The following NDUFA9 variants were observed in gnomAD, a reference collection of about 807,000 sequenced individuals.
NDUFA9 encodes NADH dehydrogenase [ubiquinone] 1 alpha subcomplex subunit 9, mitochondrial.
A neutral mutation model predicts 45.9 loss-of-function variants in NDUFA9; 23 were observed. That is an observed-to-expected ratio of 0.50 (90% confidence interval 0.36 to 0.71). The LOEUF is 0.71. Among genes scored for constraint, NDUFA9 ranks in the 30% least tolerant of loss-of-function variants. The probability of loss-of-function intolerance (pLI) is 0.00; values close to 1 mark genes in which losing one functional copy is unlikely to be tolerated. For synonymous variants in NDUFA9, 176 were observed against 170.5 expected (o/e 1.03, Z -0.25); for missense variants, 466 against 488.2 (o/e 0.95, Z 0.43).
In NDUFA9 at chr12:4,693,386, G is replaced by A. The variant is rs972413961; in HGVS notation, c.*6278G>A. 30 of 152,152 alleles carry A rather than the reference G, an allele frequency of 2.0e-4. No individual in the cohort carries two copies. Among genetic ancestry groups the A allele is most frequent in the African/African-American group, 6.8e-4 (28 of 41,400 alleles). The allele number at this position is 152,152 out of a possible 1,614,324, so 9.4% of individuals were successfully genotyped here. ...CCCAGTGTTGTGTAATAATTAAAGCGTTAAATTTCCTCTCTGCCCCACAGC... is the reference window on the plus strand; with the variant it reads ...CCCAGTGTTGTGTAATAATTAAAGCATTAAATTTCCTCTCTGCCCCACAGC... On this transcript the variant is annotated 3_prime_UTR_variant, in exon 11 of 11. Coordinates refer to ENST00000266544, the MANE Select transcript of NDUFA9 (RefSeq NM_005002.5).
chr12:4,680,142 A>T (rs536178397), intron 8 of NDUFA9, among the ~76,000 whole-genome samples: 1 of 152,310 alleles, frequency 6.6e-6, no homozygotes, highest in African/African-American at 2.4e-5. Context: ...ATTTGAGGAC[A>T]GAAGATAGAA....
chr12:4,679,019 ACATATT>A (rs765678760), intron 8 of NDUFA9, among the ~76,000 whole-genome samples: 32 of 152,342 alleles, frequency 2.1e-4, no homozygotes, highest in Non-Finnish European at 4.6e-4. Flanking sequence ...GAAACATCCC[ACATATT>A]CATTAACTGA....
rs1409674513 is a variant in NDUFA9, at chr12:4,685,045, A to C, written c.897-214A>C. 3 of 681,616 alleles carry C rather than the reference A, an allele frequency of 4.4e-6. No individual in the cohort carries two copies. The East Asian group carries it at 8.1e-5, about 18-fold the overall frequency. The allele number at this position is 681,616 out of a possible 1,614,324, so 42.2% of individuals were successfully genotyped here. A position where few individuals can be genotyped will look rare whatever the true frequency, so the allele number is the denominator to read the frequency against. ...GTTTCTTTGGAGGAGAACAAAGTGT[A>C]CCAGCAGTTACAGCAGCCGACTGGG... On this transcript the variant is annotated intron_variant, in intron 9 of 10. Coordinates refer to ENST00000266544, the MANE Select transcript of NDUFA9 (RefSeq NM_005002.5).
rs117983457 is a variant in NDUFA9 at position 4,691,474 on chromosome 12, C to G, written c.*4366C>G. On this transcript the variant is annotated 3_prime_UTR_variant, in exon 11 of 11. Transcript: ENST00000266544. ...GATCTTTCTGGCTACAAAACTGATG[C>G]CTTGTTCCAGAAAGGATTTAAGGAT... 137 of 152,262 alleles carry G rather than the reference C, an allele frequency of 9.0e-4. No homozygotes were observed. The East Asian group carries it at 0.025, about 28-fold the overall frequency. The allele number at this position is 152,262 out of a possible 1,614,324, so 9.4% of individuals were successfully genotyped here.
intron 8 of NDUFA9, among the ~76,000 whole-genome samples, chr12:4,674,547 T>G (rs1293951646): frequency 6.6e-6 from 1 of 152,146 alleles, no homozygotes; most frequent in African/African-American, 2.4e-5. Context: ...AAACAGACTT[T>G]AAACCAACAA....
At chr12:4,651,832 T>G (rs535591677) in intron 1 of NDUFA9, among the ~76,000 whole-genome samples, 96 of 152,302 alleles carry the variant, frequency 6.3e-4, no homozygotes, top group Non-Finnish European at 1.2e-3. Flanking sequence ...TTGACCCTGA[T>G]TAAACAAAAC....
intron 9 of NDUFA9, among the ~76,000 whole-genome samples, chr12:4,684,772 T>A (rs550090888): frequency 2.6e-5 from 4 of 151,896 alleles, no homozygotes; most frequent in South Asian, 4.2e-4. Flanking sequence ...TCGTCCTGAT[T>A]TGAACCGTAG....
At chr12:4,663,362 C>T (rs1465439311) in intron 6 of NDUFA9, among the ~76,000 whole-genome samples, 3 of 151,556 alleles carry the variant, frequency 2.0e-5, no homozygotes, top group Non-Finnish European at 2.9e-5. Flanking sequence ...GGCTAAATTG[C>T]GCCCCCTCAT....
chr12:4,680,181 A>G (rs1945944153), intron 8 of NDUFA9, among the ~76,000 whole-genome samples: 1 of 152,138 alleles, frequency 6.6e-6, no homozygotes, highest in Admixed American at 6.5e-5. Context: ...AGGAAAGAGC[A>G]TTTCCTAGGA....
At chr12:4,677,225 C>T (rs543763753) in intron 8 of NDUFA9, among the ~76,000 whole-genome samples, 39 of 152,284 alleles carry the variant, frequency 2.6e-4, no homozygotes, top group South Asian at 8.3e-4. Context: ...CAATACCATT[C>T]AGGACATAGG....
intron 6 of NDUFA9, among the ~76,000 whole-genome samples, chr12:4,666,966 G>A (rs779602792): frequency 1.6e-4 from 25 of 152,102 alleles, no homozygotes; most frequent in Admixed American, 6.5e-4. Context: ...GATTGCTTTG[G>A]GTAGAATTGA....
Position 4,654,403 on chromosome 12 carries a change from T to C in NDUFA9, c.161T>C (p.Ile54Thr), listed in dbSNP as rs1385596154. 2 of 1,614,144 alleles carry C rather than the reference T, an allele frequency of 1.2e-6. No homozygotes were observed. Among genetic ancestry groups the C allele is most frequent in the Non-Finnish European group, 1.7e-6 (2 of 1,179,996 alleles). ...GGTGGACGTTCCTCAGTCAGTGGGATTGTGGCCACTGTGTTTGGAGCAACA... is the reference window on the plus strand; with the variant it reads ...GGTGGACGTTCCTCAGTCAGTGGGACTGTGGCCACTGTGTTTGGAGCAACA... The part of the protein sequence containing the change: ...GKGGRSSVSG[I>T]VATVFGATGF... Residue 54 changes from isoleucine to threonine, a missense_variant, in exon 2 of 11, where the codon ATT (isoleucine) becomes ACT (threonine). Coordinates refer to ENST00000266544, the MANE Select transcript of NDUFA9 (RefSeq NM_005002.5).
rs996148406 is a variant in NDUFA9, at chr12:4,672,370, G to A, written c.800+2553G>A. ...TCCATATCCCAGTGGCACCTGGAAC[G>A]CCAGTGAGACAGAACCTTTCACTCC... On this transcript the variant is annotated intron_variant, in intron 8 of 10. Transcript: ENST00000266544. 1.1e-4 allele frequency among the ~76,000 whole-genome samples: 17 copies of A among 152,160 alleles called. 1 individual carries two copies. Among genetic ancestry groups the A allele is most frequent in the Admixed American group, 9.8e-4 (15 of 15,282 alleles).
chr12:4,663,397 C>G (rs1945835193), intron 6 of NDUFA9, among the ~76,000 whole-genome samples: 1 of 152,120 alleles, frequency 6.6e-6, no homozygotes, highest in Non-Finnish European at 1.5e-5. Flanking sequence ...AGCCTTAACA[C>G]CATTGTGAAT....
In NDUFA9 at chr12:4,685,311, G is replaced by A; in HGVS notation, c.949G>A (p.Asp317Asn). The A allele has an allele frequency of 6.2e-7, 1 of 1,613,946 alleles. No homozygotes were observed. Residue 317 changes from aspartate (D) to asparagine (N), a missense_variant, in exon 10 of 11, where the codon GAT (aspartate) becomes AAT (asparagine). By Grantham distance (23) the Asp-to-Asn change is conservative. Transcript: ENST00000266544. ...CCCATTTGAGCCCTGGATAACAAGG[G>A]ATAAAGTGGAGCGGGTGAGTACATG... ...ISPFEPWITR[D>N]KVERMHITDM...
chr12:4,659,525 T>A (rs1945811789), intron 5 of NDUFA9, among the ~76,000 whole-genome samples: 1 of 152,206 alleles, frequency 6.6e-6, no homozygotes. Context: ...TAAAGGACCA[T>A]CTTTCTTTCT....
rs7295177 is a variant in NDUFA9 at position 4,672,397 on chromosome 12, C to T, written c.800+2580C>T. 2.3e-3 allele frequency among the ~76,000 whole-genome samples: 346 copies of T among 152,304 alleles called. 2 individuals carry two copies. Among genetic ancestry groups the T allele is most frequent in the African/African-American group, 7.8e-3 (324 of 41,558 alleles). ...CAGTGAGACAGAACCTTTCACTCCC[C>T]TGGAAAGTGGGCTGAAGCCAGGGAG... On this transcript the variant is annotated intron_variant, in intron 8 of 10. Transcript: ENST00000266544.
In NDUFA9 at chr12:4,654,411, A is replaced by C; in HGVS notation, c.169A>C (p.Thr57Pro). 6.2e-7 allele frequency: 1 copy of C among 1,614,112 alleles called. No homozygotes were observed. The change falls in exon 2 of 11, where the codon ACT becomes CCT. Residue 57 changes from threonine (T) to proline (P), a missense_variant. Coordinates refer to ENST00000266544, the MANE Select transcript of NDUFA9 (RefSeq NM_005002.5). Reference protein sequence around the residue: ...GRSSVSGIVATVFGATGFLGR... With the variant: ...GRSSVSGIVAPVFGATGFLGR... ...TTCCTCAGTCAGTGGGATTGTGGCCACTGTGTTTGGAGCAACAGGATTCCT... is the reference window on the plus strand; with the variant it reads ...TTCCTCAGTCAGTGGGATTGTGGCCCCTGTGTTTGGAGCAACAGGATTCCT...
chr12:4,665,140 A>G (rs1945845794), intron 6 of NDUFA9, among the ~76,000 whole-genome samples: 1 of 152,176 alleles, frequency 6.6e-6, no homozygotes, highest in South Asian at 2.1e-4. Flanking sequence ...TATTTGTAAG[A>G]GTACAGTTCA....
Sources: gnomAD v4.1 joint callset for allele counts (sites outside exome capture counted in the v4.1 genomes callset) on GRCh38, gnomAD v4.1.1 for gene constraint, MANE v1.5 for transcripts, NCBI Gene and HGNC (gene_info 2026-07-23, HGNC 2026-07-21) for gene names.